Variants in CLEC2L observed in about 807,000 individuals in gnomAD.
CLEC2L encodes C-type lectin domain family 2 member L.
CLEC2L carries 14 observed loss-of-function variants against 23.6 expected under a neutral mutation model. The ratio of observed to expected loss-of-function variants is 0.59; its 90% CI spans 0.39 to 0.93. The LOEUF is 0.93. CLEC2L is among the 40% of genes least tolerant of loss of function. CLEC2L has a pLI of 0.00. For synonymous variants in CLEC2L, 114 were observed against 121.3 expected (o/e 0.94, Z 0.40); for missense variants, 264 against 282.4 (o/e 0.93, Z 0.47).
intron 1 of CLEC2L, chr7:139,534,252 C>G: frequency 8.1e-7 from 1 of 1,231,468 alleles, no homozygotes; most frequent in South Asian, 1.2e-5. Context: ...TGTCTCACAC[C>G]ATTTTGCTGA....
intron 1 of CLEC2L, among the ~76,000 whole-genome samples, chr7:139,534,719 A>C (rs1372951592): frequency 6.6e-6 from 1 of 152,060 alleles, no homozygotes; most frequent in Non-Finnish European, 1.5e-5. Flanking sequence ...TTCCATTTGG[A>C]AACCCCCGTT....
intron 1 of CLEC2L, among the ~76,000 whole-genome samples, chr7:139,530,728 G>T (rs1797570223): frequency 6.7e-6 from 1 of 148,182 alleles, no homozygotes; most frequent in Admixed American, 6.8e-5. Flanking sequence ...TGGGAGAATT[G>T]CTTGAACCCA....
chr7:139,540,529 C>G lies in CLEC2L; in HGVS notation c.432+42C>G. The G allele has an allele frequency of 6.4e-7, 1 of 1,555,130 alleles. No individual in the cohort carries two copies. Among genetic ancestry groups the G allele is most frequent in the Non-Finnish European group, 8.7e-7 (1 of 1,149,724 alleles). ...GAAGGGGGTTGGGGGAAGGGACCCT[C>G]AGGGCCCCCAACCTTGACTCTAGGG... On this transcript the variant is annotated intron_variant, in intron 3 of 4. Transcript: ENST00000422142. This position sits in a 1 kb window ranked among gnomAD's most constrained non-coding sequence, Gnocchi z 5.8.
chr7:139,524,077 G>T lies in CLEC2L; in HGVS notation c.150G>T (p.Ser50=). The T allele has an allele frequency of 8.2e-7, 1 of 1,226,160 alleles. No homozygotes were observed. Among genetic ancestry groups the T allele is most frequent in the Non-Finnish European group, 1.0e-6 (1 of 982,004 alleles). The allele number at this position is 1,226,160 out of a possible 1,614,324, so 76.0% of individuals were successfully genotyped here. ...GPEGLLRRSG[S]GYEGSTSWKA... ...AGGGGCTGCTGCGGCGATCCGGGTC[G>T]GGCTACGAGGGCAGCACCAGCTGGA... Residue 50 remains serine, a synonymous_variant, in exon 1 of 5, where the codon TCG becomes TCT. Coordinates refer to ENST00000422142, the MANE Select transcript of CLEC2L (RefSeq NM_001080511.4).
chr7:139,527,944 G>A (rs552177421), intron 1 of CLEC2L, among the ~76,000 whole-genome samples: 3 of 152,320 alleles, frequency 2.0e-5, no homozygotes, highest in Admixed American at 2.0e-4. Flanking sequence ...AGCAGCATGG[G>A]CCTTTTTTGG....
chr7:139,544,753 T>C lies in CLEC2L; in HGVS notation c.*411T>C, dbSNP rs1797786117. 1 of 156,754 alleles carries C rather than the reference T, an allele frequency of 6.4e-6. No individual in the cohort carries two copies. The highest frequency in any genetic ancestry group is 1.4e-5 in the Non-Finnish European group (1 of 71,314). 9.7% of individuals were successfully genotyped at this position (156,754 alleles called of 1,614,324 possible). A position where few individuals can be genotyped will look rare whatever the true frequency, so the allele number is the denominator to read the frequency against. ...CTGGGGAAGGAGGGGCATTGACAGG[T>C]GGTTTGACTGTTCACCCAGCAGCCC... is the stretch of plus-strand genomic sequence containing the variant. On this transcript the variant is annotated 3_prime_UTR_variant, in exon 5 of 5. Transcript: ENST00000422142.
At chr7:139,538,326 G>A (rs1309320989) in intron 2 of CLEC2L, among the ~76,000 whole-genome samples, 2 of 149,920 alleles carry the variant, frequency 1.3e-5, no homozygotes, top group East Asian at 2.0e-4. Context: ...CCAGCTACTC[G>A]GGAGGCTGAG....
intron 1 of CLEC2L, among the ~76,000 whole-genome samples, chr7:139,525,253 T>G (rs1585195516): frequency 6.8e-6 from 1 of 147,054 alleles, no homozygotes; most frequent in African/African-American, 2.6e-5. Context: ...AGGCTCGAGG[T>G]CAGGGAGGGG....
chr7:139,536,038 C>T (rs1797649523), intron 1 of CLEC2L, among the ~76,000 whole-genome samples: 1 of 152,244 alleles, frequency 6.6e-6, no homozygotes, highest in Admixed American at 6.5e-5. Context: ...GGTATGGTAG[C>T]TCATGCCTGT....
intron 3 of CLEC2L, among the ~76,000 whole-genome samples, chr7:139,541,370 G>A (rs935250607): frequency 7.9e-5 from 12 of 152,034 alleles, no homozygotes; most frequent in African/African-American, 2.7e-4. Context: ...ATTGTGAAAT[G>A]TGAAAACACA....
At chr7:139,536,496 A>C in intron 2 of CLEC2L, 148 bp downstream of exon 2, 1 of 688,236 alleles carries the variant, frequency 1.5e-6, no homozygotes, top group Non-Finnish European at 2.5e-6. Flanking sequence ...AGTTGTTGAG[A>C]GTTCAGCTTA....
intron 1 of CLEC2L, among the ~76,000 whole-genome samples, chr7:139,533,503 A>G (rs1797609403): frequency 6.6e-6 from 1 of 152,116 alleles, no homozygotes; most frequent in South Asian, 2.1e-4. Flanking sequence ...TTACAGGCAC[A>G]CACCACCACA....
At chr7:139,534,279 GC>G in intron 1 of CLEC2L, 1 of 1,470,004 alleles carries the variant, frequency 6.8e-7, no homozygotes, top group Non-Finnish European at 9.5e-7. Flanking sequence ...CTACCAAGAG[GC>G]CAGAAGGCAG....
intron 1 of CLEC2L, among the ~76,000 whole-genome samples, chr7:139,533,293 A>G (rs563369541): frequency 1.3e-5 from 2 of 152,342 alleles, no homozygotes; most frequent in South Asian, 4.1e-4. Flanking sequence ...TGGAGCTAAT[A>G]CCAAAAGAGT....
At chr7:139,535,984 G>T (rs1282845235) in intron 1 of CLEC2L, among the ~76,000 whole-genome samples, 1 of 152,252 alleles carries the variant, frequency 6.6e-6, no homozygotes, top group Non-Finnish European at 1.5e-5. Flanking sequence ...ACTCCAGCCT[G>T]CATCAGAATC....
At chr7:139,524,144 TG>T (rs1265703221) in intron 1 of CLEC2L, 27 bp downstream of exon 1, 14 of 1,210,890 alleles carry the variant, frequency 1.2e-5, no homozygotes, top group Non-Finnish European at 1.4e-5. Context: ...CTCCCTCTCC[TG>T]GCCCAGGGAC....
intron 1 of CLEC2L, among the ~76,000 whole-genome samples, chr7:139,532,994 CA>C (rs1013950827): frequency 1.9e-4 from 29 of 152,240 alleles, no homozygotes; most frequent in African/African-American, 7.0e-4. Context: ...AGAAACTGAG[CA>C]AAGGGAAAAG....
chr7:139,540,491 A>G lies in CLEC2L; in HGVS notation c.432+4A>G. On this transcript the variant is annotated splice_donor_region_variant and intron_variant, in intron 3 of 4. Coordinates refer to ENST00000422142, the MANE Select transcript of CLEC2L (RefSeq NM_001080511.4). This position sits in a 1 kb window ranked among gnomAD's most constrained non-coding sequence, Gnocchi z 5.8. ...GATTCAGAGCCAGAAGGAGCTGGTG[A>G]GTGTGCCAAGGTGAAGGGGGTTGGG... 1.3e-6 allele frequency: 2 copies of G among 1,583,496 alleles called. No homozygotes were observed. The highest frequency in any genetic ancestry group is 1.7e-6 in the Non-Finnish European group (2 of 1,165,218).
In CLEC2L at chr7:139,544,384, G is replaced by A. The variant is rs1405267970; in HGVS notation, c.*42G>A. ...GGTGGCCCCGCCCCTAGGCCTGTGG[G>A]AGGTGTCTGGTGTCTGCTCAAGACC... On this transcript the variant is annotated 3_prime_UTR_variant, in exon 5 of 5. Coordinates refer to ENST00000422142, the MANE Select transcript of CLEC2L (RefSeq NM_001080511.4). 5 of 1,408,448 alleles carry A rather than the reference G, an allele frequency of 3.6e-6. No homozygotes were observed. In the South Asian group the frequency reaches 6.0e-5, roughly 17 times the overall value. 87.2% of individuals were successfully genotyped at this position (1,408,448 alleles called of 1,614,324 possible).
Sources: allele counts gnomAD v4.1 joint callset (sites outside exome capture counted in the v4.1 genomes callset), GRCh38; gene constraint gnomAD v4.1.1; non-coding constraint Gnocchi (gnomAD v3.1); transcripts MANE v1.5; gene names NCBI Gene and HGNC (gene_info 2026-07-23, HGNC 2026-07-21).